The following CDC40 variants were observed in gnomAD, a reference collection of about 807,000 sequenced individuals.
The protein encoded by CDC40 is pre-mRNA-processing factor 17.
In CDC40, 27 loss-of-function variants were observed where a neutral mutation model predicts 80.6. The observed-to-expected ratio is 0.33, with a 90% CI of 0.25 to 0.46. CDC40 has a LOEUF of 0.46. Ranked by LOEUF, CDC40 falls within the 20% of genes least tolerant of loss-of-function variation. The pLI, the probability that CDC40 is intolerant of heterozygous loss-of-function variation, is 1.00. For synonymous variants in CDC40, 221 were observed against 232.6 expected (o/e 0.95, Z 0.45); for missense variants, 486 against 694.1 (o/e 0.70, Z 3.37).
intron 12 of CDC40, among the ~76,000 whole-genome samples, chr6:110,223,277 G>T (rs1298347250): frequency 6.6e-6 from 1 of 152,052 alleles, no homozygotes; most frequent in Admixed American, 6.6e-5. Flanking sequence ...TAAGAATAGG[G>T]TCTCACTCTG....
At position 110,222,633 on chromosome 6, in the gene CDC40, G is replaced by A. The variant is rs541135195; in HGVS notation, c.1340+2764G>A. Among the ~76,000 whole-genome samples the A allele has an allele frequency of 2.0e-5, 3 of 152,206 alleles. No homozygotes were observed. The South Asian group carries it at 6.2e-4, about 32-fold the overall frequency. ...CTTACTATGAGAGCCTTCCTGACCA[G>A]CCCACAGATGAGATTAGGTGCCTCC... On this transcript the variant is annotated intron_variant, in intron 12 of 14. Transcript: ENST00000307731.
At chr6:110,187,933 T>C (rs942636228) in intron 1 of CDC40, among the ~76,000 whole-genome samples, 1 of 152,188 alleles carries the variant, frequency 6.6e-6, no homozygotes, top group Non-Finnish European at 1.5e-5. Context: ...GCCTCATGGG[T>C]ATTAAAACAA....
intron 12 of CDC40, among the ~76,000 whole-genome samples, chr6:110,222,584 C>A (rs966798833): frequency 7.2e-4 from 110 of 152,002 alleles, no homozygotes; most frequent in African/African-American, 2.5e-3. Context: ...ACAACAACAA[C>A]AAAAAACAGT....
chr6:110,202,363 T>C (rs76471521), intron 3 of CDC40, among the ~76,000 whole-genome samples: 9 of 152,310 alleles, frequency 5.9e-5, no homozygotes, highest in Non-Finnish European at 1.3e-4. Context: ...ATAAAATGGT[T>C]ACAAATATGT....
At chr6:110,210,383 C>G (rs1466676287) in intron 5 of CDC40, among the ~76,000 whole-genome samples, 1 of 149,564 alleles carries the variant, frequency 6.7e-6, no homozygotes, top group African/African-American at 2.5e-5. Context: ...AACCCTGTCT[C>G]TACTAAAACA....
At chr6:110,193,514 C>T (rs1404113224) in intron 2 of CDC40, among the ~76,000 whole-genome samples, 1 of 152,086 alleles carries the variant, frequency 6.6e-6, no homozygotes, top group Non-Finnish European at 1.5e-5. Flanking sequence ...ACACCATTCT[C>T]CTGCCTCAGC....
intron 9 of CDC40, among the ~76,000 whole-genome samples, chr6:110,216,211 G>C (rs1014190238): frequency 6.6e-6 from 1 of 152,202 alleles, no homozygotes; most frequent in African/African-American, 2.4e-5. Context: ...GGACAGCTTT[G>C]TGACAAACCA....
intron 12 of CDC40, among the ~76,000 whole-genome samples, chr6:110,225,620 T>G (rs1354204447): frequency 1.3e-5 from 2 of 152,226 alleles, no homozygotes; most frequent in African/African-American, 4.8e-5. Context: ...GCCATCCACC[T>G]GCATTGCTGC....
chr6:110,215,459 A>G, intron 9 of CDC40, 128 bp downstream of exon 9: 3 of 765,246 alleles, frequency 3.9e-6, no homozygotes, highest in Non-Finnish European at 6.6e-6. Context: ...ATCTGGAAGG[A>G]GGAGTCAGTG....
rs1223682460 is a variant in CDC40, at chr6:110,215,269, T to A, written c.943-17T>A. 2 of 1,602,294 alleles carry A rather than the reference T, an allele frequency of 1.2e-6. No homozygotes were observed. The highest frequency in any genetic ancestry group is 1.7e-6 in the Non-Finnish European group (2 of 1,169,612). On this transcript the variant is annotated splice_polypyrimidine_tract_variant and intron_variant, in intron 8 of 14. Coordinates refer to ENST00000307731, the MANE Select transcript of CDC40 (RefSeq NM_015891.3). ...TTAAATGTAATATTTCCATGTGTTG[T>A]TTTTTTTCTCCCCCAGCTATGGGAG...
chr6:110,200,789 A>T (rs372600293), intron 2 of CDC40, among the ~76,000 whole-genome samples: 12 of 152,252 alleles, frequency 7.9e-5, no homozygotes, highest in East Asian at 1.9e-4. Context: ...TGAGAAGGAG[A>T]ATACTTGTTT....
chr6:110,206,506 C>T (rs951166792), intron 3 of CDC40, among the ~76,000 whole-genome samples: 2 of 152,190 alleles, frequency 1.3e-5, no homozygotes, highest in African/African-American at 4.8e-5. Flanking sequence ...CTTAGGTAGA[C>T]TTTCTTTCCT....
intron 12 of CDC40, chr6:110,224,317 A>G (rs1385914800): frequency 2.0e-5 from 3 of 152,142 alleles, no homozygotes; most frequent in African/African-American, 4.8e-5. Context: ...ATTATTTGCA[A>G]GATATGAGTT....
intron 1 of CDC40, among the ~76,000 whole-genome samples, chr6:110,188,286 A>G (rs1174720528): frequency 6.6e-6 from 1 of 152,192 alleles, no homozygotes; most frequent in Admixed American, 6.5e-5. Flanking sequence ...GCTAAGCCTC[A>G]TGTTATTTTA....
intron 1 of CDC40, among the ~76,000 whole-genome samples, chr6:110,186,713 C>G (rs1031919701): frequency 2.0e-5 from 3 of 151,952 alleles, no homozygotes; most frequent in African/African-American, 7.3e-5. Flanking sequence ...AGACCCGCAC[C>G]CCATTTTTTT....
chr6:110,188,063 T>A (rs1268206407), intron 1 of CDC40, among the ~76,000 whole-genome samples: 1 of 152,224 alleles, frequency 6.6e-6, no homozygotes, highest in Non-Finnish European at 1.5e-5. Flanking sequence ...GGGACTTACT[T>A]ATATTTTTTA....
At chr6:110,227,023 G>A (rs79826458) in intron 13 of CDC40, among the ~76,000 whole-genome samples, 18,500 of 151,856 alleles carry the variant, frequency 0.12, 1,140 homozygotes, top group South Asian at 0.19. Flanking sequence ...AAAAAAAATA[G>A]TAATAGTGAT....
chr6:110,184,920 A>G (rs902936935), intron 1 of CDC40, among the ~76,000 whole-genome samples: 1 of 152,232 alleles, frequency 6.6e-6, no homozygotes, highest in African/African-American at 2.4e-5. Flanking sequence ...AGATTTTTAT[A>G]TCTCTCAATA....
intron 1 of CDC40, among the ~76,000 whole-genome samples, chr6:110,191,597 A>G (rs959645788): frequency 6.6e-6 from 1 of 152,234 alleles, no homozygotes; most frequent in African/African-American, 2.4e-5. Context: ...AAAAAGAGAG[A>G]TAACAATCAT....
Sources: gnomAD v4.1 joint callset for allele counts (sites outside exome capture counted in the v4.1 genomes callset) on GRCh38, gnomAD v4.1.1 for gene constraint, MANE v1.5 for transcripts, NCBI Gene and HGNC (gene_info 2026-07-23, HGNC 2026-07-21) for gene names.